OSBPL1A: variants seen among roughly 807,000 people sequenced by gnomAD.
The protein encoded by OSBPL1A is oxysterol-binding protein-related protein 1.
In OSBPL1A, 80 loss-of-function variants were observed where a neutral mutation model predicts 137.1. The observed-to-expected ratio is 0.58, with a 90% CI of 0.49 to 0.70. OSBPL1A has a LOEUF of 0.70. Among genes scored for constraint, OSBPL1A ranks in the 30% least tolerant of loss-of-function variants. OSBPL1A has a pLI of 0.00. For synonymous variants in OSBPL1A, 365 were observed against 389.7 expected (o/e 0.94, Z 0.75); for missense variants, 970 against 1,129.4 (o/e 0.86, Z 2.02).
intron 4 of OSBPL1A, among the ~76,000 whole-genome samples, chr18:24,362,860 C>T (rs960307181): frequency 6.6e-6 from 1 of 152,092 alleles, no homozygotes; most frequent in Non-Finnish European, 1.5e-5. Context: ...AAGAAACAAA[C>T]TGAGAGGCAG....
chr18:24,358,585 T>C (rs991267066), intron 4 of OSBPL1A: 54 of 697,154 alleles, frequency 7.7e-5, no homozygotes, highest in Non-Finnish European at 1.3e-4. Context: ...TCAAGTTGTC[T>C]GGGCATCGCC....
At chr18:24,353,304 A>C (rs1223487302) in intron 4 of OSBPL1A, among the ~76,000 whole-genome samples, 3 of 152,350 alleles carry the variant, frequency 2.0e-5, no homozygotes, top group Admixed American at 2.0e-4. Flanking sequence ...GCAGCCAAAA[A>C]ACACATGAAA....
chr18:24,378,855 T>C (rs975479717), intron 1 of OSBPL1A, among the ~76,000 whole-genome samples: 4 of 152,124 alleles, frequency 2.6e-5, no homozygotes, highest in African/African-American at 9.7e-5. Flanking sequence ...TCCCAGCAAG[T>C]GGTCAAGCCA....
intron 17 of OSBPL1A, among the ~76,000 whole-genome samples, chr18:24,215,781 G>A (rs2087679799): frequency 6.6e-6 from 1 of 152,118 alleles, no homozygotes; most frequent in African/African-American, 2.4e-5. Context: ...AGAAGAAACA[G>A]GTTAAGGCAG....
At chr18:24,309,849 C>G (rs2090579882) in intron 13 of OSBPL1A, among the ~76,000 whole-genome samples, 1 of 151,896 alleles carries the variant, frequency 6.6e-6, no homozygotes, top group Non-Finnish European at 1.5e-5. Context: ...GAGCTTGAGA[C>G]CAGCCTGGCC....
chr18:24,296,359 C>A (rs752492021), intron 14 of OSBPL1A, among the ~76,000 whole-genome samples: 9 of 152,086 alleles, frequency 5.9e-5, no homozygotes, highest in Non-Finnish European at 1.3e-4. Context: ...ATTTTGTAAC[C>A]TGAGACTTTA....
intron 1 of OSBPL1A, among the ~76,000 whole-genome samples, chr18:24,396,238 A>AAG (rs1555662738): frequency 2.0e-5 from 3 of 151,170 alleles, no homozygotes; most frequent in Admixed American, 6.6e-5. Flanking sequence ...AAAAAAAAAA[A>AAG]AGAGACAGAG....
chr18:24,269,750 T>G (rs2089669523), intron 15 of OSBPL1A, among the ~76,000 whole-genome samples: 1 of 151,814 alleles, frequency 6.6e-6, no homozygotes, highest in Non-Finnish European at 1.5e-5. Flanking sequence ...TGGTACGGAA[T>G]AAGACAAACA....
At chr18:24,359,213 G>A (rs1321897789) in intron 4 of OSBPL1A, among the ~76,000 whole-genome samples, 4 of 152,088 alleles carry the variant, frequency 2.6e-5, no homozygotes, top group East Asian at 3.9e-4. Context: ...GCGAGACCCT[G>A]TCTATAGAGA....
chr18:24,283,281 A>AAAAAATAT lies in OSBPL1A; in HGVS notation c.1175-2334_1175-2333insATATTTTT, dbSNP rs1246058393. 1.1e-3 allele frequency among the ~76,000 whole-genome samples: 85 copies of AAAAAATAT among 78,322 alleles called. 1 individual carries two copies. Among genetic ancestry groups the AAAAAATAT allele is most frequent in the African/African-American group, 1.9e-3 (37 of 18,982 alleles). The allele number at this position is 78,322 out of a possible 152,430, so 51.4% of individuals were successfully genotyped here. ...CTCCATCTCAAAAAAAAAAAAAAAA[A>AAAAAATAT]ATATATATATATATATATATATGTA... On this transcript the variant is annotated intron_variant, in intron 14 of 27. Coordinates refer to ENST00000319481, the MANE Select transcript of OSBPL1A (RefSeq NM_080597.4).
At chr18:24,376,406 T>C (rs1213349036) in intron 2 of OSBPL1A, among the ~76,000 whole-genome samples, 1 of 152,170 alleles carries the variant, frequency 6.6e-6, no homozygotes, top group Admixed American at 6.5e-5. Context: ...GATTGGTGTG[T>C]TTATAAACCT....
chr18:24,196,057 G>T, intron 18 of OSBPL1A, 68 bp downstream of exon 18: 1 of 1,266,302 alleles, frequency 7.9e-7, no homozygotes, highest in Non-Finnish European at 1.1e-6. Flanking sequence ...AAACTTTTAG[G>T]TTCCTTTCTA....
chr18:24,221,201 A>G (rs1051933581), intron 17 of OSBPL1A, among the ~76,000 whole-genome samples: 1 of 152,128 alleles, frequency 6.6e-6, no homozygotes, highest in Non-Finnish European at 1.5e-5. Flanking sequence ...CCTGGAAGGT[A>G]TTTTCTTAGC....
chr18:24,279,747 C>A (rs1845512120), intron 15 of OSBPL1A, among the ~76,000 whole-genome samples: 1 of 152,154 alleles, frequency 6.6e-6, no homozygotes, highest in Non-Finnish European at 1.5e-5. Context: ...CTAATTCTGG[C>A]AACCAAAACA....
chr18:24,284,926 G>A (rs1014871403), intron 14 of OSBPL1A, among the ~76,000 whole-genome samples: 1 of 152,172 alleles, frequency 6.6e-6, no homozygotes, highest in African/African-American at 2.4e-5. Flanking sequence ...GTGGAGAATG[G>A]GTGCAGTGGC....
intron 15 of OSBPL1A, among the ~76,000 whole-genome samples, chr18:24,253,223 G>T (rs2089164013): frequency 6.8e-6 from 1 of 147,626 alleles, no homozygotes; most frequent in African/African-American, 2.5e-5. Flanking sequence ...GTTGCCTACA[G>T]GAAATGCATT....
intron 15 of OSBPL1A, among the ~76,000 whole-genome samples, chr18:24,253,164 T>TGGGGG (rs142115823): frequency 2.1e-4 from 12 of 58,032 alleles, no homozygotes; most frequent in Admixed American, 4.5e-4. Context: ...TGAAAAGACA[T>TGGGGG]GGCGGGGGGG....
chr18:24,381,377 T>G (rs1906580311), intron 1 of OSBPL1A, among the ~76,000 whole-genome samples: 1 of 152,046 alleles, frequency 6.6e-6, no homozygotes, highest in South Asian at 2.1e-4. Flanking sequence ...GGGTGGAGGG[T>G]TCTTGCTAAA....
chr18:24,358,692 G>C (rs2091575539), intron 4 of OSBPL1A, among the ~76,000 whole-genome samples: 1 of 152,136 alleles, frequency 6.6e-6, no homozygotes, highest in South Asian at 2.1e-4. Context: ...TGTTAGGTGA[G>C]ATAGAGAGAA....
Sources: allele counts gnomAD v4.1 joint callset (sites outside exome capture counted in the v4.1 genomes callset), GRCh38; gene constraint gnomAD v4.1.1; transcripts MANE v1.5; gene names NCBI Gene and HGNC (gene_info 2026-07-23, HGNC 2026-07-21).